Variants in ANKS1B observed in about 807,000 individuals in gnomAD.
ANKS1B encodes the protein ankyrin repeat and sterile alpha motif domain-containing protein 1B.
ANKS1B carries 36 observed loss-of-function variants against 148.3 expected under a neutral mutation model. That is an observed-to-expected ratio of 0.24 (90% CI 0.19 to 0.32). The LOEUF (loss-of-function observed/expected upper bound fraction) is 0.32. ANKS1B is among the 10% of genes least tolerant of loss of function. The pLI, the probability that ANKS1B is intolerant of heterozygous loss-of-function variation, is 1.00. For missense variants in ANKS1B, 1,157 were observed against 1,542.6 expected (o/e 0.75, Z 4.19); for synonymous variants, 542 against 560.8 (o/e 0.97, Z 0.47).
At position 99,732,088 on chromosome 12, in the gene ANKS1B, C is replaced by A. The variant is rs550277567; in HGVS notation, c.1128+40834G>T. Among the ~76,000 whole-genome samples the A allele has an allele frequency of 1.5e-4, 23 of 152,112 alleles. No homozygotes were observed. In the South Asian group the frequency reaches 4.8e-3, roughly 32 times the overall value. ...AATATTGGTAGTCTTTAAGGAAATG[C>A]AAATTAAAAACATAGGATTGCACTA... On this transcript the variant is annotated intron_variant, in intron 8 of 26. Transcript: ENST00000683438.
chr12:99,877,018 T>C (rs1400188020), intron 1 of ANKS1B, among the ~76,000 whole-genome samples: 1 of 152,098 alleles, frequency 6.6e-6, no homozygotes, highest in Non-Finnish European at 1.5e-5. Flanking sequence ...GCGCCATGCT[T>C]CTAAATCACG....
intron 9 of ANKS1B, among the ~76,000 whole-genome samples, chr12:99,637,791 C>CGA (rs1001224002): frequency 7.6e-6 from 1 of 130,912 alleles, no homozygotes; most frequent in East Asian, 2.0e-4. Context: ...ACTCCCCTTT[C>CGA]TATATATATA....
At chr12:98,882,653 A>AC (rs2099711190) in intron 17 of ANKS1B, among the ~76,000 whole-genome samples, 1 of 152,140 alleles carries the variant, frequency 6.6e-6, no homozygotes, top group Non-Finnish European at 1.5e-5. Flanking sequence ...TATATTGGAT[A>AC]TAAATAATTG....
chr12:98,808,015 G>A, intron 19 of ANKS1B, 97 bp from the exon 20 acceptor site: 4 of 927,514 alleles, frequency 4.3e-6, no homozygotes, highest in Non-Finnish European at 6.5e-6. Flanking sequence ...ATAATAAAAT[G>A]CAAAGAATCA....
chr12:99,257,753 A>G (rs1170843559), intron 12 of ANKS1B, among the ~76,000 whole-genome samples: 1 of 152,174 alleles, frequency 6.6e-6, no homozygotes, highest in Non-Finnish European at 1.5e-5. Context: ...ATTTTAATCT[A>G]TGGAAGCTTG....
chr12:98,771,163 T>C (rs1049442765), intron 25 of ANKS1B, among the ~76,000 whole-genome samples: 9 of 152,150 alleles, frequency 5.9e-5, no homozygotes, highest in Non-Finnish European at 8.8e-5. Flanking sequence ...CATAAGGATG[T>C]CATTACAAGA....
At chr12:99,098,883 T>C (rs2057142431) in intron 15 of ANKS1B, among the ~76,000 whole-genome samples, 1 of 137,374 alleles carries the variant, frequency 7.3e-6, no homozygotes, top group African/African-American at 2.6e-5. Flanking sequence ...ATTTCTGTGG[T>C]TGCTGTTTTG....
intron 14 of ANKS1B, among the ~76,000 whole-genome samples, chr12:99,241,849 C>A (rs2089399435): frequency 6.6e-6 from 1 of 152,132 alleles, no homozygotes; most frequent in Non-Finnish European, 1.5e-5. Context: ...AATTCAACAG[C>A]CCTTCATGCT....
intron 14 of ANKS1B, among the ~76,000 whole-genome samples, chr12:99,232,289 A>G (rs1411192330): frequency 6.6e-6 from 1 of 152,220 alleles, no homozygotes; most frequent in Non-Finnish European, 1.5e-5. Flanking sequence ...AACCTTAAGT[A>G]TAAGAAGAAA....
chr12:99,683,917 T>C (rs1273550700), intron 8 of ANKS1B, among the ~76,000 whole-genome samples: 1 of 152,090 alleles, frequency 6.6e-6, no homozygotes, highest in East Asian at 1.9e-4. Context: ...TATCCCTTTA[T>C]GGTTAAAATC....
chr12:99,723,430 G>A (rs1295487985), intron 8 of ANKS1B, among the ~76,000 whole-genome samples: 1 of 152,060 alleles, frequency 6.6e-6, no homozygotes, highest in East Asian at 1.9e-4. Context: ...CCTCCTCACT[G>A]GGAGGGGCCT....
At chr12:99,608,841 A>C (rs1239337274) in intron 9 of ANKS1B, among the ~76,000 whole-genome samples, 1 of 151,992 alleles carries the variant, frequency 6.6e-6, no homozygotes, top group Non-Finnish European at 1.5e-5. Flanking sequence ...TTCTCTTAGT[A>C]ATTTTTTATC....
chr12:99,677,044 G>A (rs2098578621), intron 8 of ANKS1B, among the ~76,000 whole-genome samples: 1 of 152,176 alleles, frequency 6.6e-6, no homozygotes, highest in African/African-American at 2.4e-5. Context: ...AATATTTCAT[G>A]TATTCAGATT....
intron 17 of ANKS1B, among the ~76,000 whole-genome samples, chr12:98,999,760 G>A (rs543455688): frequency 1.8e-4 from 28 of 152,198 alleles, no homozygotes; most frequent in Non-Finnish European, 3.2e-4. Context: ...AGCCGGCACC[G>A]CGTGTGAAGG....
rs569532347 is a variant in ANKS1B at position 99,692,106 on chromosome 12, A to G, written c.1129-36896T>C. 1.6e-4 allele frequency among the ~76,000 whole-genome samples: 25 copies of G among 152,310 alleles called. No homozygotes were observed. The South Asian group carries it at 2.9e-3, about 18-fold the overall frequency. On this transcript the variant is annotated intron_variant, in intron 8 of 26. Transcript: ENST00000683438. The stretch of plus-strand genomic sequence containing the variant: ...AAGTTTTTTATAATTTTGCTTGTTA[A>G]GTATATAAGAAAGTCATCACTGAGA...
intron 1 of ANKS1B, among the ~76,000 whole-genome samples, chr12:99,956,060 C>A (rs549795895): frequency 1.3e-5 from 2 of 152,026 alleles, no homozygotes; most frequent in African/African-American, 4.8e-5. Context: ...AGATGGATTC[C>A]CTGAGGTCAG....
At chr12:99,539,382 T>A (rs915518790) in intron 9 of ANKS1B, among the ~76,000 whole-genome samples, 2 of 152,216 alleles carry the variant, frequency 1.3e-5, no homozygotes, top group African/African-American at 2.4e-5. Flanking sequence ...GGGCAAAGTT[T>A]TTTTGTATAT....
intron 8 of ANKS1B, among the ~76,000 whole-genome samples, chr12:99,700,919 C>G (rs529038571): frequency 6.6e-6 from 1 of 152,214 alleles, no homozygotes; most frequent in Admixed American, 6.5e-5. Flanking sequence ...TCTTCCAATC[C>G]CCACCTGCTG....
intron 9 of ANKS1B, among the ~76,000 whole-genome samples, chr12:99,565,206 A>T (rs955107701): frequency 6.6e-6 from 1 of 152,212 alleles, no homozygotes; most frequent in African/African-American, 2.4e-5. Context: ...TTCATTGGGC[A>T]CTATGTGCAA....
Sources: allele counts gnomAD v4.1 joint callset (sites outside exome capture counted in the v4.1 genomes callset), GRCh38; gene constraint gnomAD v4.1.1; transcripts MANE v1.5; gene names NCBI Gene and HGNC (gene_info 2026-07-23, HGNC 2026-07-21).